The following CUL5 variants were observed in gnomAD, a reference collection of about 807,000 sequenced individuals.
CUL5 encodes the protein cullin 5.
Under a neutral mutation model 108.8 loss-of-function variants are expected in CUL5, and 26 were observed. The ratio of observed to expected loss-of-function variants is 0.24; its 90% CI spans 0.18 to 0.33. The LOEUF (loss-of-function observed/expected upper bound fraction) is 0.33, where lower values mean the gene tolerates loss of function less well. Among genes scored for constraint, CUL5 ranks in the 10% least tolerant of loss-of-function variants. The pLI, the probability that CUL5 is intolerant of heterozygous loss-of-function variation, is 1.00. For missense variants in CUL5, 524 were observed against 909.2 expected (o/e 0.58, Z 5.45); for synonymous variants, 334 against 298.0 (o/e 1.12, Z -1.25).
chr11:108,104,435 C>T lies in CUL5; in HGVS notation c.*51C>T. On this transcript the variant is annotated 3_prime_UTR_variant, in exon 19 of 19. Transcript: ENST00000393094. ...GAACCCAAATTTTGGAGTGCTTGGG[C>T]AGAAAGTTGTAAAGTTTGTGCTGGA... The T allele has an allele frequency of 8.5e-7, 1 of 1,175,910 alleles. No individual in the cohort carries two copies. The highest frequency in any genetic ancestry group is 2.0e-4 in the Middle Eastern group (1 of 4,990). The allele number at this position is 1,175,910 out of a possible 1,614,324, so 72.8% of individuals were successfully genotyped here. A position where few individuals can be genotyped will look rare whatever the true frequency, so the allele number is the denominator to read the frequency against.
At chr11:108,082,803 T>C (rs996021408) in intron 11 of CUL5, among the ~76,000 whole-genome samples, 1 of 152,060 alleles carries the variant, frequency 6.6e-6, no homozygotes, top group East Asian at 1.9e-4. Context: ...CGGCTAATTT[T>C]TTTTTTTGAG....
chr11:108,073,670 TGTTAAACATTA>T, intron 10 of CUL5, 173 bp downstream of exon 10: 1 of 381,652 alleles, frequency 2.6e-6, no homozygotes. Context: ...TGTAAGCATT[TGTTAAACATTA>T]GATAGCCTTG....
In CUL5 at chr11:108,073,444, C is replaced by T; in HGVS notation, c.1060C>T (p.Leu354Phe). ...LLTLFNRFSK[L>F]VKEAFQDDPR... is the part of the protein sequence containing the mutation. ...TACACTATTTAATAGATTTAGTAAA[C>T]TCGTCAAAGAAGCTTTTCAAGATGA... Residue 354 changes from leucine (L) to phenylalanine (F), a missense_variant, in exon 10 of 19, where the codon CTC (leucine) becomes TTC (phenylalanine). Physicochemically the swap from Leu to Phe is conservative, Grantham distance 22. Coordinates refer to ENST00000393094, the MANE Select transcript of CUL5 (RefSeq NM_003478.6). 6.3e-7 allele frequency: 1 copy of T among 1,598,368 alleles called. No homozygotes were observed.
intron 1 of CUL5, among the ~76,000 whole-genome samples, chr11:108,027,191 G>A (rs1229560159): frequency 6.6e-6 from 1 of 151,492 alleles, no homozygotes. Flanking sequence ...AGGCTGGAGT[G>A]CAGTGGCGCC....
At position 108,078,243 on chromosome 11, in the gene CUL5, A is replaced by G; in HGVS notation, c.1178+3A>G. On this transcript the variant is annotated splice_donor_region_variant and intron_variant, in intron 11 of 18. Coordinates refer to ENST00000393094, the MANE Select transcript of CUL5 (RefSeq NM_003478.6). Reference sequence around the variant, plus strand: ...GAATTACCTTTGAAGCAGAAGGGGTAAGTTTTTTAAAACCATACTTTAAAA... The same window carrying G: ...GAATTACCTTTGAAGCAGAAGGGGTGAGTTTTTTAAAACCATACTTTAAAA... 1 of 1,534,014 alleles carries G rather than the reference A, an allele frequency of 6.5e-7. No homozygotes were observed. The highest frequency in any genetic ancestry group is 1.2e-5 in the South Asian group (1 of 81,544).
Position 108,071,395 on chromosome 11 carries a change from T to C in CUL5, c.875-937T>C, listed in dbSNP as rs539729553. On this transcript the variant is annotated intron_variant, in intron 8 of 18. Transcript: ENST00000393094. ...CCCACCTCCCAGCCCACTGAGTAGC[T>C]GGGACTACAGCCGTGTACCACCATG... Among the ~76,000 whole-genome samples the C allele has an allele frequency of 9.1e-4, 139 of 151,980 alleles. 1 individual carries two copies. The highest frequency in any genetic ancestry group is 1.7e-3 in the Non-Finnish European group (115 of 67,944).
chr11:108,098,294 C>T (rs773360875), intron 17 of CUL5, 112 bp from the exon 18 acceptor site: 110 of 941,446 alleles, frequency 1.2e-4, no homozygotes, highest in Non-Finnish European at 1.6e-4. Flanking sequence ...AACCTTTAAA[C>T]AGTTCTGATA....
chr11:108,052,467 G>T (rs1248943962), intron 4 of CUL5, among the ~76,000 whole-genome samples, 193 bp from the exon 5 acceptor site: 2 of 152,032 alleles, frequency 1.3e-5, no homozygotes, highest in East Asian at 1.9e-4. Flanking sequence ...TTGCCCTGCT[G>T]CCCAGGCTGG....
At chr11:108,033,599 C>T (rs1461624282) in intron 1 of CUL5, among the ~76,000 whole-genome samples, 5 of 152,186 alleles carry the variant, frequency 3.3e-5, no homozygotes, top group African/African-American at 1.2e-4. Flanking sequence ...CTTCACTAAA[C>T]ACATTTGTAC....
Position 108,097,699 on chromosome 11 carries a change from C to G in CUL5, c.1969C>G (p.Pro657Ala). The G allele has an allele frequency of 1.2e-6, 2 of 1,613,644 alleles. No homozygotes were observed. Among genetic ancestry groups the G allele is most frequent in the South Asian group, 1.1e-5 (1 of 91,060 alleles). ...VLLYEPQVNSPKDFTEGTLFS... is the reference protein window; with the variant it reads ...VLLYEPQVNSAKDFTEGTLFS... ...GTTGTATGAACCTCAAGTCAACTCA[C>G]CCAAAGACTTTACAGAAGGTACCCT... The change falls in exon 17 of 19, where the codon CCC becomes GCC. Residue 657 changes from proline to alanine, a missense_variant. Physicochemically the swap from Pro to Ala is conservative, Grantham distance 27. Around this residue, in one of 8 missense-constraint regions of CUL5, gnomAD observed 66 missense variants for 81.4 expected, o/e 0.81. Coordinates refer to ENST00000393094, the MANE Select transcript of CUL5 (RefSeq NM_003478.6).
At chr11:108,096,278 T>A (rs1358806640) in intron 16 of CUL5, among the ~76,000 whole-genome samples, 1 of 150,758 alleles carries the variant, frequency 6.6e-6, no homozygotes, top group African/African-American at 2.4e-5. Context: ...GAGGATTGCT[T>A]GAACTCAGGA....
At chr11:108,102,013 T>A (rs1303091726) in intron 18 of CUL5, among the ~76,000 whole-genome samples, 1 of 152,048 alleles carries the variant, frequency 6.6e-6, no homozygotes, top group Non-Finnish European at 1.5e-5. Context: ...TATCTTTTAT[T>A]TATTTTTGTT....
chr11:108,040,737 C>A (rs1177044793), intron 2 of CUL5, among the ~76,000 whole-genome samples: 5 of 151,914 alleles, frequency 3.3e-5, no homozygotes, highest in Non-Finnish European at 7.4e-5. Flanking sequence ...GCTTATCATG[C>A]CACTGCACTC....
At chr11:108,080,154 A>G (rs573784993) in intron 11 of CUL5, among the ~76,000 whole-genome samples, 31 of 142,746 alleles carry the variant, frequency 2.2e-4, no homozygotes, top group African/African-American at 7.6e-4. Flanking sequence ...TTCCTTTATG[A>G]AGGGTGATCA....
At chr11:108,086,422 A>G (rs1864224494) in intron 11 of CUL5, among the ~76,000 whole-genome samples, 1 of 152,142 alleles carries the variant, frequency 6.6e-6, no homozygotes, top group Non-Finnish European at 1.5e-5. Context: ...AGATGTCCAT[A>G]TCAAAACAAA....
intron 13 of CUL5, 41 bp downstream of exon 13, chr11:108,089,664 A>T: frequency 8.8e-7 from 1 of 1,130,990 alleles, no homozygotes; most frequent in Non-Finnish European, 1.2e-6. Context: ...CTAATACATT[A>T]CATCATTTAT....
intron 1 of CUL5, among the ~76,000 whole-genome samples, chr11:108,014,096 T>C (rs796304394): frequency 4.6e-5 from 7 of 152,322 alleles, no homozygotes; most frequent in African/African-American, 1.7e-4. Flanking sequence ...TACCAACTGC[T>C]CTATGCTCCC....
chr11:108,025,615 C>T (rs1039309795), intron 1 of CUL5, among the ~76,000 whole-genome samples: 2 of 152,172 alleles, frequency 1.3e-5, no homozygotes, highest in African/African-American at 4.8e-5. Context: ...GGTAGCAACA[C>T]TAACTGTTTC....
chr11:108,020,739 G>A (rs1438275453), intron 1 of CUL5, among the ~76,000 whole-genome samples: 1 of 152,160 alleles, frequency 6.6e-6, no homozygotes, highest in Non-Finnish European at 1.5e-5. Flanking sequence ...TTCCCAAAAA[G>A]AGGAAAGGTT....
Sources: gnomAD v4.1 joint callset for allele counts (sites outside exome capture counted in the v4.1 genomes callset) on GRCh38, gnomAD v4.1.1 for gene constraint, gnomAD v4.1.1 regional missense constraint, MANE v1.5 for transcripts, NCBI Gene and HGNC (gene_info 2026-07-23, HGNC 2026-07-21) for gene names.